ZNF83: variants seen among roughly 807,000 people sequenced by gnomAD.
The protein encoded by ZNF83 is zinc finger protein 83.
For synonymous variants in ZNF83, 209 were observed against 213.0 expected (o/e 0.98, Z 0.17); for missense variants, 552 against 629.9 (o/e 0.88, Z 1.32).
chr19:52,625,252 A>G (rs1289422721), intron 2 of ZNF83, among the ~76,000 whole-genome samples: 2 of 152,140 alleles, frequency 1.3e-5, no homozygotes, highest in Non-Finnish European at 2.9e-5. Context: ...GGGACTACAC[A>G]TCAATATTTA....
Position 52,614,049 on chromosome 19 carries a change from A to G in ZNF83, c.516T>C (p.Thr172=), listed in dbSNP as rs559190967. Residue 172 remains threonine, a synonymous_variant, in exon 3 of 3, where the codon ACT becomes ACC. Coordinates refer to ENST00000301096, the Ensembl canonical transcript of ZNF83. ...CATTACATTTATATGGTTTCTCTCC[A>G]GTATGAATCCTGCGATGCTGTGCAA... 27 of 1,613,166 alleles carry G rather than the reference A, an allele frequency of 1.7e-5. No individual in the cohort carries two copies. In the South Asian group the frequency reaches 2.9e-4, roughly 17 times the overall value.
intron 3 of ZNF83, among the ~76,000 whole-genome samples, chr19:52,648,073 G>A (rs2061396428): frequency 6.6e-6 from 1 of 151,100 alleles, no homozygotes; most frequent in Non-Finnish European, 1.5e-5. Context: ...CCCTCTTCCT[G>A]CCTTGCTGTT....
intron 1 of ZNF83, chr19:52,636,822 T>G (rs1600208208): frequency 2.9e-5 from 2 of 68,788 alleles, no homozygotes; most frequent in African/African-American, 1.1e-4. Context: ...TGCCCGGTTG[T>G]TTTTTTTTTT....
At chr19:52,649,312 T>C (rs1197641720) in intron 3 of ZNF83, among the ~76,000 whole-genome samples, 1 of 152,156 alleles carries the variant, frequency 6.6e-6, no homozygotes, top group South Asian at 2.1e-4. Flanking sequence ...CTTTGCAGCT[T>C]TTGTATCGTT....
chr19:52,656,604 A>C (rs1015462578), intron 2 of ZNF83, among the ~76,000 whole-genome samples: 1 of 152,184 alleles, frequency 6.6e-6, no homozygotes, highest in Non-Finnish European at 1.5e-5. Flanking sequence ...ATGGTGGCTC[A>C]CACCTATAAT....
At chr19:52,629,832 A>G (rs1871067073) in intron 2 of ZNF83, among the ~76,000 whole-genome samples, 1 of 152,228 alleles carries the variant, frequency 6.6e-6, no homozygotes, top group Non-Finnish European at 1.5e-5. Context: ...CCGACATTAA[A>G]TAAAACTCCA....
At position 52,689,441 on chromosome 19, in the gene ZNF83, C is replaced by G. The variant is rs918891793; in HGVS notation, c.-283+1002G>C. Among the ~76,000 whole-genome samples the G allele has an allele frequency of 2.7e-3, 408 of 151,854 alleles. 2 individuals carry two copies. Among genetic ancestry groups the G allele is most frequent in the African/African-American group, 9.0e-3 (374 of 41,482 alleles). On this transcript the variant is annotated intron_variant, in intron 1 of 5. Coordinates refer to the ZNF83 transcript ENST00000594682. ...ATCCCCAGGTGTCCTCCCTGCTGTG[C>G]TTCTCCCTCTGTTCTCCTTGCCACC...
intron 3 of ZNF83, among the ~76,000 whole-genome samples, chr19:52,645,486 T>C (rs758446079): frequency 5.9e-5 from 9 of 152,172 alleles, no homozygotes; most frequent in South Asian, 2.1e-4. Flanking sequence ...GAAGTGATTA[T>C]GTATTAAAAA....
intron 1 of ZNF83, among the ~76,000 whole-genome samples, chr19:52,676,360 G>A (rs1003869995): frequency 6.6e-6 from 1 of 152,172 alleles, no homozygotes; most frequent in Admixed American, 6.5e-5. Context: ...GCCTGCCTTG[G>A]CCTCCCAAAG....
At chr19:52,649,549 T>C (rs2061416994) in intron 3 of ZNF83, among the ~76,000 whole-genome samples, 1 of 152,062 alleles carries the variant, frequency 6.6e-6, no homozygotes, top group Non-Finnish European at 1.5e-5. Flanking sequence ...TCATGAAAGA[T>C]ATAAGGGAAA....
chr19:52,677,094 C>A (rs1338593725), intron 1 of ZNF83, among the ~76,000 whole-genome samples: 6 of 145,284 alleles, frequency 4.1e-5, no homozygotes, highest in Admixed American at 3.5e-4. Flanking sequence ...CCAAATCCCC[C>A]TCTGTGAGAA....
chr19:52,639,413 C>CTTTT (rs1206783591), upstream of ZNF83, among the ~76,000 whole-genome samples: 755 of 53,602 alleles, frequency 0.014, 20 homozygotes, highest in African/African-American at 0.061. Flanking sequence ...TTAGTTTTTT[C>CTTTT]TATTTTTTTT....
intron 2 of ZNF83, among the ~76,000 whole-genome samples, chr19:52,660,488 GACA>G (rs1252691335): frequency 1.3e-5 from 2 of 151,630 alleles, no homozygotes; most frequent in Non-Finnish European, 2.9e-5. Flanking sequence ...AGTGGTGGTG[GACA>G]CCTATAATCA....
At chr19:52,648,559 T>A (rs1270478550) in intron 3 of ZNF83, among the ~76,000 whole-genome samples, 1 of 152,040 alleles carries the variant, frequency 6.6e-6, no homozygotes, top group Admixed American at 6.6e-5. Flanking sequence ...TAGCCAGTTC[T>A]TTTTTTTGAC....
intron 1 of ZNF83, among the ~76,000 whole-genome samples, chr19:52,637,440 G>A (rs385162): frequency 0.11 from 17,007 of 151,878 alleles, 1,714 homozygotes; most frequent in East Asian, 0.46. Context: ...CCTCTTTGCT[G>A]CCCCTCTCCC....
chr19:52,662,139 C>G (rs756290961), intron 1 of ZNF83, among the ~76,000 whole-genome samples: 1 of 152,176 alleles, frequency 6.6e-6, no homozygotes, highest in African/African-American at 2.4e-5. Context: ...TATTTTCTCA[C>G]GCCTTTCATG....
At chr19:52,618,439 T>C (rs2060399423) in intron 2 of ZNF83, 1 of 154,850 alleles carries the variant, frequency 6.5e-6, no homozygotes, top group South Asian at 2.0e-4. Flanking sequence ...TTTTTTTGTA[T>C]TTTTAGTAGA....
Position 52,654,103 on chromosome 19 carries a change from A to G in ZNF83, c.-74+1458T>C, listed in dbSNP as rs1425685212. 6 of 1,604,686 alleles carry G rather than the reference A, an allele frequency of 3.7e-6. No individual in the cohort carries two copies. The Admixed American group carries it at 1.0e-4, about 27-fold the overall frequency. On this transcript the variant is annotated intron_variant, in intron 3 of 5. Transcript: ENST00000594682. The stretch of plus-strand genomic sequence containing the variant: ...AGTCTGAAATTCGTGCAGTTCAGGC[A>G]GATGTGAATAAAAGCTTGATCCAAG...
intron 3 of ZNF83, chr19:52,652,907 C>T (rs761025707): frequency 1.1e-4 from 120 of 1,128,486 alleles, no homozygotes; most frequent in Non-Finnish European, 1.5e-4. Context: ...GGTTTCTCTC[C>T]ACTATGAAGT....
Sources: gnomAD v4.1 joint callset for allele counts (sites outside exome capture counted in the v4.1 genomes callset) on GRCh38, gnomAD v4.1.1 for gene constraint, MANE v1.5 for transcripts, NCBI Gene and HGNC (gene_info 2026-07-23, HGNC 2026-07-21) for gene names.